The following GLIS1 variants were observed in gnomAD, a reference collection of about 807,000 sequenced individuals.
GLIS1 encodes GLIS family zinc finger 1.
Under a neutral mutation model 63.8 loss-of-function variants are expected in GLIS1, and 24 were observed. The ratio of observed to expected loss-of-function variants is 0.38; its 90% CI spans 0.27 to 0.53. The LOEUF is 0.53. Ranked by LOEUF, GLIS1 falls within the 20% of genes least tolerant of loss-of-function variation. GLIS1 has a pLI of 0.85. For missense variants in GLIS1, 1,036 were observed against 1,074.1 expected (o/e 0.96, Z 0.50); for synonymous variants, 450 against 482.5 (o/e 0.93, Z 0.88).
At chr1:53,588,023 A>G (rs1286877682) in intron 4 of GLIS1, among the ~76,000 whole-genome samples, 1 of 152,152 alleles carries the variant, frequency 6.6e-6, no homozygotes, top group Non-Finnish European at 1.5e-5. Flanking sequence ...TTCCCCATCT[A>G]TAAAATGGGG....
chr1:53,570,649 T>C (rs1270862969), intron 4 of GLIS1, among the ~76,000 whole-genome samples: 1 of 152,150 alleles, frequency 6.6e-6, no homozygotes, highest in Non-Finnish European at 1.5e-5. Flanking sequence ...AATAGGCTCA[T>C]AGATATACAG....
At chr1:53,716,442 G>A (rs1387305276) in intron 2 of GLIS1, among the ~76,000 whole-genome samples, 1 of 152,038 alleles carries the variant, frequency 6.6e-6, no homozygotes, top group Non-Finnish European at 1.5e-5. Flanking sequence ...AGTCATCATC[G>A]GCATGTCAGG....
chr1:53,601,993 G>A (rs1432047973), intron 2 of GLIS1, among the ~76,000 whole-genome samples: 2 of 152,154 alleles, frequency 1.3e-5, no homozygotes, highest in Non-Finnish European at 2.9e-5. Context: ...GGCAGGTGAG[G>A]TGCTCATATG....
At chr1:53,512,273 A>G (rs1644304965) in intron 8 of GLIS1, among the ~76,000 whole-genome samples, 1 of 152,178 alleles carries the variant, frequency 6.6e-6, no homozygotes, top group African/African-American at 2.4e-5. Context: ...TGATTCCTAA[A>G]TCAAATATTT....
Position 53,639,742 on chromosome 1 carries a change from A to C in GLIS1, c.260-39464T>G, listed in dbSNP as rs978436855. On this transcript the variant is annotated intron_variant, in intron 2 of 10. Coordinates refer to ENST00000628545, the MANE Select transcript of GLIS1 (RefSeq NM_001367484.1). This position sits in a 1 kb window ranked among gnomAD's most constrained non-coding sequence, Gnocchi z 4.6. ...CTCCAGGCTTGGGAAGCCAGTCTCA[A>C]GGACCAGGAGCACTGCTGTGGGCTT... Among the ~76,000 whole-genome samples, 6 of 152,190 alleles carry C rather than the reference A, an allele frequency of 3.9e-5. No individual in the cohort carries two copies. Among genetic ancestry groups the C allele is most frequent in the Admixed American group, 3.9e-4 (6 of 15,282 alleles).
chr1:53,523,652 G>A (rs1644434447), intron 6 of GLIS1, among the ~76,000 whole-genome samples: 1 of 152,152 alleles, frequency 6.6e-6, no homozygotes, highest in Non-Finnish European at 1.5e-5. Flanking sequence ...GGAGTTCCAT[G>A]GGAGTGCAGG....
chr1:53,553,103 G>A (rs1644778495), intron 4 of GLIS1, among the ~76,000 whole-genome samples: 1 of 152,210 alleles, frequency 6.6e-6, no homozygotes, highest in African/African-American at 2.4e-5. Flanking sequence ...CACCTGGCTG[G>A]CTGAGAATGG....
chr1:53,551,343 T>C (rs963450222), intron 4 of GLIS1, among the ~76,000 whole-genome samples: 4 of 152,222 alleles, frequency 2.6e-5, no homozygotes, highest in Non-Finnish European at 5.9e-5. Context: ...CTCAGGGTTG[T>C]TGTGAGGCCT....
At chr1:53,669,392 A>G (rs1443125990) in intron 2 of GLIS1, among the ~76,000 whole-genome samples, 1 of 152,162 alleles carries the variant, frequency 6.6e-6, no homozygotes, top group Non-Finnish European at 1.5e-5. Context: ...CCTGGATCCC[A>G]GCGTGTGGTC....
intron 2 of GLIS1, among the ~76,000 whole-genome samples, chr1:53,671,697 G>A (rs972842106): frequency 2.6e-5 from 4 of 152,212 alleles, no homozygotes; most frequent in Non-Finnish European, 4.4e-5. Context: ...TTCATGAATG[G>A]TATGGAAAAT....
chr1:53,697,486 G>A (rs963979238), intron 2 of GLIS1, among the ~76,000 whole-genome samples: 12 of 152,160 alleles, frequency 7.9e-5, no homozygotes, highest in African/African-American at 2.7e-4. Flanking sequence ...GCCACTGTCT[G>A]TTCTGGGGCC....
chr1:53,614,251 A>G lies in GLIS1; in HGVS notation c.260-13973T>C, dbSNP rs535563133. Among the ~76,000 whole-genome samples the G allele has an allele frequency of 2.0e-5, 3 of 152,374 alleles. No homozygotes were observed. The East Asian group carries it at 5.8e-4, about 29-fold the overall frequency. ...ATATATACTGTAATATCAGGAACTG[A>G]TTAATGTTATAAATTAAAATGAAAA... On this transcript the variant is annotated intron_variant, in intron 2 of 10. Coordinates refer to ENST00000628545, the MANE Select transcript of GLIS1 (RefSeq NM_001367484.1).
intron 2 of GLIS1, among the ~76,000 whole-genome samples, chr1:53,707,146 C>T (rs1646587019): frequency 6.6e-6 from 1 of 152,102 alleles, no homozygotes; most frequent in Non-Finnish European, 1.5e-5. Context: ...TTCCCTGGCA[C>T]CTTCCCAGGC....
chr1:53,529,875 C>T lies in GLIS1; in HGVS notation c.1398G>A (p.Pro466=), dbSNP rs549794466. 285 of 1,613,786 alleles carry T rather than the reference C, an allele frequency of 1.8e-4. No homozygotes were observed. Among genetic ancestry groups the T allele is most frequent in the Non-Finnish European group, 2.2e-4 (254 of 1,179,976 alleles). Residue 466 remains proline, a synonymous_variant, in exon 5 of 11, where the codon CCG becomes CCA. Transcript: ENST00000628545. The stretch of plus-strand genomic sequence containing the variant: ...GGCAACCCGGGTGCTGGCACAGGTA[C>T]GGCTTCTCGCCCGTGTGGCTCCTCA... ...IHLRSHTGEK[P]YLCQHPGCQK... is the part of the protein sequence containing the mutation.
chr1:53,679,181 G>T (rs1294025933), intron 2 of GLIS1, among the ~76,000 whole-genome samples: 2 of 152,178 alleles, frequency 1.3e-5, no homozygotes, highest in Non-Finnish European at 2.9e-5. Flanking sequence ...TCTGATGGGA[G>T]GGGGAAGGGG....
At chr1:53,656,532 C>T (rs1238279580) in intron 2 of GLIS1, among the ~76,000 whole-genome samples, 3 of 152,200 alleles carry the variant, frequency 2.0e-5, no homozygotes, top group Non-Finnish European at 4.4e-5. Context: ...ATTCAAACCA[C>T]AAGACATGAA....
At chr1:53,599,756 C>T (rs1451296338) in intron 3 of GLIS1, among the ~76,000 whole-genome samples, 3 of 152,248 alleles carry the variant, frequency 2.0e-5, no homozygotes, top group African/African-American at 7.2e-5. Flanking sequence ...AGGAATCCCT[C>T]TCTGCCCTAT....
At chr1:53,590,400 G>A (rs1023212298) in intron 4 of GLIS1, among the ~76,000 whole-genome samples, 2 of 152,106 alleles carry the variant, frequency 1.3e-5, no homozygotes, top group Admixed American at 1.3e-4. Context: ...ACCAAAGTAA[G>A]GGACTCTTCT....
At chr1:53,575,261 C>T (rs758058767) in intron 4 of GLIS1, among the ~76,000 whole-genome samples, 11 of 152,210 alleles carry the variant, frequency 7.2e-5, no homozygotes, top group Admixed American at 2.6e-4. Context: ...TGTTCACACA[C>T]GCCTCACGCC....
Sources: gnomAD v4.1 joint callset for allele counts (sites outside exome capture counted in the v4.1 genomes callset) on GRCh38, gnomAD v4.1.1 for gene constraint, Gnocchi (gnomAD v3.1) non-coding constraint, MANE v1.5 for transcripts, NCBI Gene and HGNC (gene_info 2026-07-23, HGNC 2026-07-21) for gene names.